The following ABCA4 variants were observed in gnomAD, a reference collection of about 807,000 sequenced individuals.
ABCA4 encodes the protein retinal-specific phospholipid-transporting ATPase ABCA4.
In ABCA4, 196 loss-of-function variants were observed where a neutral mutation model predicts 263.7. The ratio of observed to expected loss-of-function variants is 0.74; its 90% CI spans 0.66 to 0.84. The LOEUF (loss-of-function observed/expected upper bound fraction) is 0.84. ABCA4 is among the 40% of genes least tolerant of loss of function. ABCA4 has a pLI of 0.00. For missense variants in ABCA4, 2,792 were observed against 2,855.1 expected (o/e 0.98, Z 0.50); for synonymous variants, 1,133 against 1,094.2 (o/e 1.04, Z -0.70).
chr1:94,105,418 G>T (rs1012490798), intron 4 of ABCA4, among the ~76,000 whole-genome samples: 17 of 152,096 alleles, frequency 1.1e-4, no homozygotes, highest in African/African-American at 3.1e-4. Flanking sequence ...CTGTGGCTCT[G>T]GGGGGGAAGG....
intron 12 of ABCA4, 146 bp downstream of exon 12, chr1:94,062,966 T>A (rs1428499647): frequency 1.9e-6 from 2 of 1,046,652 alleles, no homozygotes; most frequent in Non-Finnish European, 2.9e-6. Flanking sequence ...CAAGGACTCT[T>A]TGTTGAGCTT....
rs1303995370 is a variant in ABCA4 at position 94,080,700 on chromosome 1, T to C, written c.877A>G (p.Met293Val). 6.2e-7 allele frequency: 1 copy of C among 1,614,156 alleles called. No homozygotes were observed. Among genetic ancestry groups the C allele is most frequent in the Non-Finnish European group, 8.5e-7 (1 of 1,180,026 alleles). Residue 293 changes from methionine (M) to valine (V), a missense_variant, in exon 8 of 50, where the codon ATG (methionine) becomes GTG (valine). Transcript: ENST00000370225. ...CTGGTCACCCACAGCAAGTCCTGCA[T>C]ACTCGGCCGATGGATAAACTAGGGC... Reference protein sequence around the residue: ...RIQEFIHRPSMQDLLWVTRPL... With the variant: ...RIQEFIHRPSVQDLLWVTRPL...
chr1:94,042,490 A>G (rs1483984972), intron 22 of ABCA4, among the ~76,000 whole-genome samples: 2 of 152,234 alleles, frequency 1.3e-5, no homozygotes, highest in Non-Finnish European at 2.9e-5. Flanking sequence ...AGTAGCATCC[A>G]TTATTCCAGA....
intron 24 of ABCA4, among the ~76,000 whole-genome samples, chr1:94,037,728 AG>A (rs1216841038): frequency 4.6e-5 from 7 of 152,200 alleles, no homozygotes; most frequent in Non-Finnish European, 8.8e-5. Flanking sequence ...ATCTGTGAAA[AG>A]GGGAAAATAC....
At position 94,120,975 on chromosome 1, in the gene ABCA4, G is replaced by A. The variant is rs757472554; in HGVS notation, c.66+5C>T. The A allele has an allele frequency of 2.6e-6, 4 of 1,542,142 alleles. No homozygotes were observed. In the Admixed American group the frequency reaches 7.2e-5, roughly 28 times the overall value. On this transcript the variant is annotated splice_donor_5th_base_variant and intron_variant, in intron 1 of 49. Transcript: ENST00000370225. ...CATTTTTAAACCACAGACAGTAACT[G>A]TTACCTTTTGCCTTTTCCGCAGGGT...
chr1:94,063,414 A>G lies in ABCA4; in HGVS notation c.1555-97T>C, dbSNP rs1057099991. 5.7e-6 allele frequency: 7 copies of G among 1,223,476 alleles called. No homozygotes were observed. In the Admixed American group the frequency reaches 8.6e-5, roughly 15 times the overall value. The allele number at this position is 1,223,476 out of a possible 1,614,324, so 75.8% of individuals were successfully genotyped here. A position where few individuals can be genotyped will look rare whatever the true frequency, so the allele number is the denominator to read the frequency against. On this transcript the variant is annotated intron_variant, in intron 11 of 49. Transcript: ENST00000370225. ...GTCACAGGATAAGGGCTGCTGTCCC[A>G]GGAAATGGTCAAATGCAAGGAGGCC...
intron 6 of ABCA4, among the ~76,000 whole-genome samples, chr1:94,092,815 G>T (rs1385053984): frequency 1.3e-5 from 2 of 151,600 alleles, no homozygotes; most frequent in South Asian, 2.1e-4. Flanking sequence ...GTCTGGGGGG[G>T]TCTGAAGAAG....
chr1:94,017,631 A>G (rs983923428), intron 36 of ABCA4, among the ~76,000 whole-genome samples: 8 of 152,214 alleles, frequency 5.3e-5, no homozygotes, highest in African/African-American at 2.4e-5. Flanking sequence ...ATGACACATC[A>G]GTGCTGGTTT....
rs1661288490 is a variant in ABCA4, at chr1:94,067,171, T to C, written c.1555-3854A>G. 5.9e-5 allele frequency among the ~76,000 whole-genome samples: 9 copies of C among 152,290 alleles called. 1 individual carries two copies. The South Asian group carries it at 1.9e-3, about 32-fold the overall frequency. ...GAATCACATGATAAACTAGGAGAAA[T>C]TAATAAAACGTGAATTTTTGCTACA... On this transcript the variant is annotated intron_variant, in intron 11 of 49. Transcript: ENST00000370225.
intron 6 of ABCA4, among the ~76,000 whole-genome samples, chr1:94,084,692 C>G (rs367999927): frequency 6.6e-6 from 1 of 152,212 alleles, no homozygotes. Context: ...GAAAGAACAA[C>G]TAAGCTGCTA....
rs1217511061 is a variant in ABCA4 at position 94,047,083 on chromosome 1, AAAG to A, written c.2751_2753del (p.Phe918del). ...GAACCCACCCTGGATGCTCACGTTC[AAAG>A]AAGGAGTCTTGGAGGAAAAAAAATG... On this transcript the variant is annotated inframe_deletion, in exon 19 of 50. Transcript: ENST00000370225. 9 of 1,614,058 alleles carry A rather than the reference AAAG, an allele frequency of 5.6e-6. No homozygotes were observed. In the African/African-American group the frequency reaches 8.0e-5, roughly 14 times the overall value.
At chr1:94,113,166 C>T in intron 1 of ABCA4, 100 bp from the exon 2 acceptor site, 1 of 1,117,328 alleles carries the variant, frequency 8.9e-7, no homozygotes, top group Non-Finnish European at 1.3e-6. Context: ...CCCATGTGTG[C>T]AGTAGGACTT....
chr1:94,039,918 T>C (rs1383407676), intron 24 of ABCA4, 125 bp downstream of exon 24: 8 of 792,904 alleles, frequency 1.0e-5, no homozygotes, highest in Non-Finnish European at 1.5e-5. Flanking sequence ...AGAACAACTG[T>C]GTGACCTGCA....
chr1:94,017,269 A>T (rs1472022100), intron 36 of ABCA4, among the ~76,000 whole-genome samples: 1 of 152,222 alleles, frequency 6.6e-6, no homozygotes, highest in Non-Finnish European at 1.5e-5. Context: ...ACCGAATTGA[A>T]CATCATCAGT....
intron 6 of ABCA4, among the ~76,000 whole-genome samples, chr1:94,084,935 G>C (rs994782917): frequency 1.3e-5 from 2 of 152,190 alleles, no homozygotes; most frequent in Non-Finnish European, 2.9e-5. Context: ...TTAGCCCCAA[G>C]TCCTGCCCGT....
rs3112831 is a variant in ABCA4, at chr1:94,078,678, T to C, written c.1268A>G (p.His423Arg). The C allele has an allele frequency of 0.29, 475,026 of 1,610,992 alleles. 72,755 individuals are homozygous for C. Among genetic ancestry groups the C allele is most frequent in the Non-Finnish European group, 0.32 (380,102 of 1,177,720 alleles). Residue 423 changes from histidine to arginine, a missense_variant, in exon 10 of 50, where the codon CAC (histidine) becomes CGC (arginine). His to Arg is a conservative substitution (Grantham distance 29, BLOSUM62 0). Coordinates refer to ENST00000370225, the MANE Select transcript of ABCA4 (RefSeq NM_000350.3). ...CCAGGCTTTGACCAACTTCCTAACG[T>C]GTTCCAGTTCTTCAAAAGTTGAGTT... is the stretch of plus-strand genomic sequence containing the variant. ...NANSTFEELEHVRKLVKAWEE... is the reference protein window; with the variant it reads ...NANSTFEELERVRKLVKAWEE...
At chr1:94,041,994 G>A (rs1386721280) in intron 22 of ABCA4, among the ~76,000 whole-genome samples, 4 of 151,338 alleles carry the variant, frequency 2.6e-5, no homozygotes, top group Non-Finnish European at 5.9e-5. Flanking sequence ...AGCTACTCAG[G>A]AGGCTGAGGC....
At chr1:94,037,072 T>C (rs1660358798) in intron 25 of ABCA4, 73 bp downstream of exon 25, 1 of 1,507,736 alleles carries the variant, frequency 6.6e-7, no homozygotes, top group Non-Finnish European at 9.2e-7. Flanking sequence ...AAAACTTTGC[T>C]CTAATGTTAG....
At chr1:94,056,522 G>T in intron 15 of ABCA4, 79 bp downstream of exon 15, 1 of 1,456,486 alleles carries the variant, frequency 6.9e-7, no homozygotes, top group Non-Finnish European at 9.5e-7. Flanking sequence ...CCCTCAGAGG[G>T]CAGGCTGGGC....
Sources: allele counts gnomAD v4.1 joint callset (sites outside exome capture counted in the v4.1 genomes callset), GRCh38; gene constraint gnomAD v4.1.1; transcripts MANE v1.5; gene names NCBI Gene and HGNC (gene_info 2026-07-23, HGNC 2026-07-21).